MYO10: variants seen among roughly 807,000 people sequenced by gnomAD.
MYO10 encodes unconventional myosin-X.
A neutral mutation model predicts 257.3 loss-of-function variants in MYO10; 133 were observed. That is an observed-to-expected ratio of 0.52 (90% confidence interval 0.45 to 0.60). The LOEUF (loss-of-function observed/expected upper bound fraction) is 0.60, where lower values mean the gene tolerates loss of function less well. Ranked by LOEUF, MYO10 falls within the 20% of genes least tolerant of loss-of-function variation. The pLI, the probability that MYO10 is intolerant of heterozygous loss-of-function variation, is 0.00. For synonymous variants in MYO10, 1,104 were observed against 1,028.6 expected (o/e 1.07, Z -1.40); for missense variants, 2,399 against 2,635.7 (o/e 0.91, Z 1.97).
intron 3 of MYO10, chr5:16,815,613 A>C (rs1407884950): frequency 1.6e-6 from 1 of 606,974 alleles, no homozygotes; most frequent in Admixed American, 3.0e-5. Flanking sequence ...CCAGGAAGAC[A>C]AAATAAGTCC....
intron 3 of MYO10, among the ~76,000 whole-genome samples, chr5:16,811,884 T>C (rs1350464834): frequency 6.6e-6 from 1 of 152,174 alleles, no homozygotes; most frequent in Non-Finnish European, 1.5e-5. Flanking sequence ...CATGCCTTTG[T>C]AGCGTCACCA....
intron 1 of MYO10, among the ~76,000 whole-genome samples, chr5:16,888,590 C>T (rs772029764): frequency 6.6e-6 from 1 of 150,892 alleles, no homozygotes; most frequent in African/African-American, 2.5e-5. Context: ...AGCGAGACTC[C>T]GTCTCAAAAG....
chr5:16,903,039 G>A (rs1745427744), intron 1 of MYO10, among the ~76,000 whole-genome samples: 2 of 152,220 alleles, frequency 1.3e-5, no homozygotes, highest in Non-Finnish European at 2.9e-5. Flanking sequence ...CATTGACCAT[G>A]TGCAGGCCTC....
chr5:16,797,783 G>A (rs898270891), intron 3 of MYO10, among the ~76,000 whole-genome samples: 3 of 152,264 alleles, frequency 2.0e-5, no homozygotes, highest in Non-Finnish European at 4.4e-5. Context: ...AGTGGCAGGA[G>A]AGGGGAATGA....
chr5:16,783,373 C>T lies in MYO10; in HGVS notation c.564G>A (p.Glu188=), dbSNP rs138480313. The T allele has an allele frequency of 3.2e-5, 51 of 1,601,344 alleles. No individual in the cohort carries two copies. The African/African-American group carries it at 6.0e-4, about 19-fold the overall frequency. The change falls in exon 5 of 41, where the codon GAG becomes GAA. Residue 188 remains glutamate, a synonymous_variant. Coordinates refer to ENST00000513610, the MANE Select transcript of MYO10 (RefSeq NM_012334.3). The stretch of plus-strand genomic sequence containing the variant: ...TAGCTCGTTCAACACAGGATGTCTT[C>T]TCCTTTAAGGACAATTCCAAAGACT... ...SQQSLELSLK[E]KTSCVERAIL... is the part of the protein sequence containing the mutation.
intron 9 of MYO10, among the ~76,000 whole-genome samples, chr5:16,777,839 C>CTATTT (rs1391555719): frequency 1.1e-5 from 1 of 88,482 alleles, no homozygotes; most frequent in African/African-American, 5.4e-5. Context: ...TTGCATCTAA[C>CTATTT]TTTTTTTTTT....
chr5:16,672,953 T>C (rs975824679), intron 36 of MYO10, 128 bp from the exon 37 acceptor site: 3 of 1,069,424 alleles, frequency 2.8e-6, no homozygotes, highest in Admixed American at 5.8e-5. Context: ...CCTAAAAATG[T>C]TACCCGTGTG....
intron 2 of MYO10, among the ~76,000 whole-genome samples, chr5:16,875,456 C>G (rs968857907): frequency 7.2e-5 from 11 of 152,284 alleles, no homozygotes; most frequent in Admixed American, 2.0e-4. Flanking sequence ...ACAGATCATA[C>G]TATACTACCC....
intron 19 of MYO10, among the ~76,000 whole-genome samples, chr5:16,719,323 C>T (rs1739045521): frequency 6.6e-6 from 1 of 152,170 alleles, no homozygotes. Context: ...CCACCAATTC[C>T]GGACACAATA....
chr5:16,763,718 T>C lies in MYO10; in HGVS notation c.1364A>G (p.Asn455Ser). Residue 455 changes from asparagine to serine, a missense_variant, in exon 13 of 41, where the codon AAC becomes AGC. This residue lies in a region of MYO10 where 337 missense variants were observed against 446.8 expected (regional missense o/e 0.75). Transcript: ENST00000513610. ...HFEQFNINYA[N>S]EKLQEYFNKH... ...GTTGAAGTACTCCTGAAGTTTCTCG[T>C]TTGCATAGTTTATATTGAACTGTTC... 5 of 1,608,716 alleles carry C rather than the reference T, an allele frequency of 3.1e-6. No homozygotes were observed. The highest frequency in any genetic ancestry group is 4.3e-6 in the Non-Finnish European group (5 of 1,175,780).
intron 2 of MYO10, among the ~76,000 whole-genome samples, chr5:16,866,058 C>CACACACACACACACAA (rs1491356491): frequency 2.3e-5 from 3 of 131,534 alleles, no homozygotes; most frequent in African/African-American, 8.1e-5. Flanking sequence ...CACACACACA[C>CACACACACACACACAA]AAAACAATAG....
chr5:16,796,483 G>T (rs57116836), intron 3 of MYO10, among the ~76,000 whole-genome samples: 1 of 136,862 alleles, frequency 7.3e-6, no homozygotes, highest in Non-Finnish European at 1.6e-5. Context: ...GAAAAGAAAA[G>T]AAAGAAAGAA....
rs1262743938 is a variant in MYO10, at chr5:16,666,695, C to T, written c.6174G>A (p.Arg2058=). 3.1e-6 allele frequency: 5 copies of T among 1,599,750 alleles called. No individual in the cohort carries two copies. Among genetic ancestry groups the T allele is most frequent in the Non-Finnish European group, 4.3e-6 (5 of 1,175,040 alleles). ...ACAGGTGGGCTCTGTCCCGCCTTCA[C>T]CTGGAGCTGCCCTGGCTGCTGGCGG... ...TRSASSQGSS[R] Residue 2058 remains arginine (R), a synonymous_variant, in exon 41 of 41, where the codon AGG becomes AGA. Coordinates refer to ENST00000513610, the MANE Select transcript of MYO10 (RefSeq NM_012334.3).
chr5:16,830,238 A>C (rs562603473), intron 2 of MYO10, among the ~76,000 whole-genome samples: 232 of 152,096 alleles, frequency 1.5e-3, no homozygotes, highest in African/African-American at 5.3e-3. Context: ...TCCATCTCAA[A>C]AAAAAAAAGG....
intron 1 of MYO10, among the ~76,000 whole-genome samples, chr5:16,894,360 C>T (rs1017701120): frequency 6.6e-6 from 1 of 152,096 alleles, no homozygotes; most frequent in African/African-American, 2.4e-5. Flanking sequence ...CTGGCTAGAC[C>T]GAAGGATAGT....
At chr5:16,911,237 A>G (rs1358674475) in intron 1 of MYO10, among the ~76,000 whole-genome samples, 1 of 152,194 alleles carries the variant, frequency 6.6e-6, no homozygotes, top group African/African-American at 2.4e-5. Flanking sequence ...TCTCAAAACT[A>G]CTTCACAATA....
At chr5:16,691,551 T>A (rs1257237094) in intron 27 of MYO10, among the ~76,000 whole-genome samples, 4 of 151,530 alleles carry the variant, frequency 2.6e-5, no homozygotes, top group Non-Finnish European at 5.9e-5. Context: ...ATACAAAAAT[T>A]AGCCAAGCTT....
chr5:16,738,237 A>G (rs1350166671), intron 19 of MYO10: 39 of 985,136 alleles, frequency 4.0e-5, no homozygotes, highest in Non-Finnish European at 4.6e-5. Flanking sequence ...CAGAGGAACC[A>G]GTCAAGAGGA....
At chr5:16,802,225 G>C (rs1254122577) in intron 3 of MYO10, among the ~76,000 whole-genome samples, 2 of 152,188 alleles carry the variant, frequency 1.3e-5, no homozygotes, top group Admixed American at 1.3e-4. Context: ...ATTCAGTTCT[G>C]CAAGAGGAGA....
Sources: allele counts gnomAD v4.1 joint callset (sites outside exome capture counted in the v4.1 genomes callset), GRCh38; gene constraint gnomAD v4.1.1; regional missense constraint gnomAD v4.1.1; transcripts MANE v1.5; gene names NCBI Gene and HGNC (gene_info 2026-07-23, HGNC 2026-07-21).